The following ANKRD24 variants were observed in gnomAD, a reference collection of about 807,000 sequenced individuals.
ANKRD24 encodes ankyrin repeat domain 24.
A neutral mutation model predicts 127.8 loss-of-function variants in ANKRD24; 109 were observed. The ratio of observed to expected loss-of-function variants is 0.85; its 90% CI spans 0.73 to 1.00. The LOEUF (loss-of-function observed/expected upper bound fraction) is 1.00, where lower values mean the gene tolerates loss of function less well. ANKRD24 is among the 50% of genes least tolerant of loss of function. The probability of loss-of-function intolerance (pLI) is 0.00; values close to 1 mark genes in which losing one functional copy is unlikely to be tolerated. For missense variants in ANKRD24, 1,648 were observed against 1,570.2 expected (o/e 1.05, Z -0.84); for synonymous variants, 743 against 671.1 (o/e 1.11, Z -1.66).
At chr19:4,210,534 C>G (rs193169979) in intron 13 of ANKRD24, among the ~76,000 whole-genome samples, 162 bp downstream of exon 13, 1 of 151,984 alleles carries the variant, frequency 6.6e-6, no homozygotes, top group Admixed American at 6.6e-5. Context: ...ACTCGCCAGG[C>G]GCAGTCCTGC....
chr19:4,183,447 T>C, intron 1 of ANKRD24: 1 of 686,016 alleles, frequency 1.5e-6, no homozygotes, highest in Non-Finnish European at 1.8e-6. Flanking sequence ...TATGCCCTGG[T>C]GGCTGCGGGT....
In ANKRD24 at chr19:4,189,243, C is replaced by CTTTTTTTTT. The variant is rs398033749; in HGVS notation, c.36+2796_36+2804dup. On this transcript the variant is annotated intron_variant, in intron 2 of 21. Transcript: ENST00000318934. ...TTATTTTTTTTAATTTTTCTTTCTT[C>CTTTTTTTTT]TTTTTTTTTTTTTTTTTTTTTTGAA... Among the ~76,000 whole-genome samples the CTTTTTTTTT allele has an allele frequency of 2.2e-3, 161 of 73,938 alleles. 7 individuals carry two copies. The highest frequency in any genetic ancestry group is 7.1e-3 in the East Asian group (15 of 2,118). The allele number at this position is 73,938 out of a possible 152,430, so 48.5% of individuals were successfully genotyped here.
intron 2 of ANKRD24, among the ~76,000 whole-genome samples, chr19:4,187,990 T>C (rs1461618222): frequency 6.6e-6 from 1 of 152,112 alleles, no homozygotes; most frequent in Non-Finnish European, 1.5e-5. Context: ...AGAGTGCGAG[T>C]GAGTGGGAGC....
At chr19:4,207,041 A>C (rs987675199) in intron 7 of ANKRD24, 5 of 590,994 alleles carry the variant, frequency 8.5e-6, no homozygotes, top group African/African-American at 1.9e-5. Flanking sequence ...ACTCCCTAGT[A>C]GCTGGGGCCA....
intron 18 of ANKRD24, among the ~76,000 whole-genome samples, chr19:4,218,423 C>A (rs528951749): frequency 6.6e-6 from 1 of 151,894 alleles, no homozygotes; most frequent in Non-Finnish European, 1.5e-5. Context: ...CCTCAGCCTC[C>A]GGAGTAGCTG....
chr19:4,203,945 C>T (rs113263816), intron 7 of ANKRD24, among the ~76,000 whole-genome samples: 46,026 of 143,190 alleles, frequency 0.32, 7,927 homozygotes, highest in Non-Finnish European at 0.41. Flanking sequence ...GCCACCGTGC[C>T]GGCCCTTCTC....
At chr19:4,193,865 A>AAGGAAGGAAGGG (rs1968542815) in intron 2 of ANKRD24, among the ~76,000 whole-genome samples, 1 of 95,350 alleles carries the variant, frequency 1.0e-5, no homozygotes, top group African/African-American at 4.5e-5. Flanking sequence ...GGAAGGAAGG[A>AAGGAAGGAAGGG]AGGAAGGAAG....
rs773087805 is a variant in ANKRD24, at chr19:4,202,100, TG to T, written c.408+11del. 4 of 1,613,330 alleles carry T rather than the reference TG, an allele frequency of 2.5e-6. No individual in the cohort carries two copies. Among genetic ancestry groups the T allele is most frequent in the Non-Finnish European group, 3.4e-6 (4 of 1,179,478 alleles). On this transcript the variant is annotated intron_variant, in intron 6 of 21. Transcript: ENST00000318934. ...GAAGCAACTACTGCAGGTCATTTAC[TG>T]TCTTATCTCAGCTACTCCCTTGGCC... is the stretch of plus-strand genomic sequence containing the variant.
Position 4,199,023 on chromosome 19 carries a change from A to G in ANKRD24, c.37-660A>G, listed in dbSNP as rs992210397. ...GGGGAGACATTTCGTAATGCATTTC[A>G]GGCTATAGTGTTGAGGGGAGAAGCC... On this transcript the variant is annotated intron_variant, in intron 2 of 21. Coordinates refer to ENST00000318934, the MANE Select transcript of ANKRD24 (RefSeq NM_001393985.1). This position sits in a 1 kb window ranked among gnomAD's most constrained non-coding sequence, Gnocchi z 5.2. 6.6e-6 allele frequency among the ~76,000 whole-genome samples: 1 copy of G among 152,126 alleles called. No individual in the cohort carries two copies.
At chr19:4,212,169 C>T (rs1473112896) in intron 13 of ANKRD24, among the ~76,000 whole-genome samples, 1 of 151,980 alleles carries the variant, frequency 6.6e-6, no homozygotes, top group African/African-American at 2.4e-5. Flanking sequence ...CACTGCACTC[C>T]AGCCTGGGGG....
chr19:4,217,721 G>T lies in ANKRD24; in HGVS notation c.2561G>T (p.Arg854Leu). 7.7e-7 allele frequency: 1 copy of T among 1,292,900 alleles called. No individual in the cohort carries two copies. Among genetic ancestry groups the T allele is most frequent in the Non-Finnish European group, 9.8e-7 (1 of 1,024,732 alleles). 80.1% of individuals were successfully genotyped at this position (1,292,900 alleles called of 1,614,324 possible). ...LEQSRELEVL[R>L]EQLATARATG... ...CAGAGCCGGGAGCTGGAGGTTCTGCGGGAGCAGCTGGCCACGGCCAGGGCC... is the reference window on the plus strand; with the variant it reads ...CAGAGCCGGGAGCTGGAGGTTCTGCTGGAGCAGCTGGCCACGGCCAGGGCC... The change falls in exon 18 of 22, where the codon CGG becomes CTG. Residue 854 changes from arginine to leucine, a missense_variant. By Grantham distance (102) the Arg-to-Leu change is moderately radical. Coordinates refer to ENST00000318934, the MANE Select transcript of ANKRD24 (RefSeq NM_001393985.1).
At chr19:4,193,117 A>G (rs1421287947) in intron 2 of ANKRD24, among the ~76,000 whole-genome samples, 3 of 151,010 alleles carry the variant, frequency 2.0e-5, no homozygotes, top group Admixed American at 6.6e-5. Context: ...CCTGGCCAAC[A>G]CAGCAAAACC....
In ANKRD24 at chr19:4,198,422, C is replaced by A. The variant is rs956677052; in HGVS notation, c.37-1261C>A. 1 of 500,592 alleles carries A rather than the reference C, an allele frequency of 2.0e-6. No homozygotes were observed. The highest frequency in any genetic ancestry group is 3.6e-6 in the Non-Finnish European group (1 of 281,346). 31.0% of individuals were successfully genotyped at this position (500,592 alleles called of 1,614,324 possible). ...CCGCCCTCCGGCCGCTCCCCGCGGT[C>A]CCTCCAGACCCTCTGGCCGCCGCCT... On this transcript the variant is annotated intron_variant, in intron 2 of 21. Coordinates refer to ENST00000318934, the MANE Select transcript of ANKRD24 (RefSeq NM_001393985.1). This position sits in a 1 kb window ranked among gnomAD's most constrained non-coding sequence, Gnocchi z 6.1.
Position 4,216,837 on chromosome 19 carries a change from C to A in ANKRD24, c.1677C>A (p.Ala559=). The A allele has an allele frequency of 6.2e-7, 1 of 1,610,056 alleles. No individual in the cohort carries two copies. The highest frequency in any genetic ancestry group is 8.5e-7 in the Non-Finnish European group (1 of 1,178,348). ...CTCCAGAAACCAAAGTTAACGGAGC[C>A]GAGACCATAGATGAGGAGGCTGCAG... is the stretch of plus-strand genomic sequence containing the variant. The part of the protein sequence containing the change: ...SVAPETKVNG[A]ETIDEEAAGD... The change falls in exon 18 of 22, where the codon GCC becomes GCA. Residue 559 remains alanine, a synonymous_variant. Coordinates refer to ENST00000318934, the MANE Select transcript of ANKRD24 (RefSeq NM_001393985.1).
In ANKRD24 at chr19:4,200,164, C is replaced by T. The variant is rs773694537; in HGVS notation, c.336C>T (p.Asp112=). Residue 112 remains aspartate, a synonymous_variant, in exon 5 of 22, where the codon GAC becomes GAT. Transcript: ENST00000318934. ...IAHGSNVMSA[D]GAGYNALHLA... Reference sequence around the variant, plus strand: ...ATGGCAGCAATGTCATGAGCGCGGACGGGGCAGGTACTGCCAGCTGGGCCC... The same window carrying T: ...ATGGCAGCAATGTCATGAGCGCGGATGGGGCAGGTACTGCCAGCTGGGCCC... 34 of 1,601,708 alleles carry T rather than the reference C, an allele frequency of 2.1e-5. No individual in the cohort carries two copies. The Admixed American group carries it at 2.2e-4, about 10-fold the overall frequency.
chr19:4,196,729 G>C (rs1438863611), intron 2 of ANKRD24, among the ~76,000 whole-genome samples: 1 of 152,172 alleles, frequency 6.6e-6, no homozygotes, highest in Non-Finnish European at 1.5e-5. Context: ...CTGTGCCCCA[G>C]AGTCTCCAGG....
In ANKRD24 at chr19:4,217,808, C is replaced by A; in HGVS notation, c.2648C>A (p.Ala883Asp). Residue 883 changes from alanine (A) to aspartate (D), a missense_variant, in exon 18 of 22, where the codon GCC (alanine) becomes GAC (aspartate). By Grantham distance (126) the Ala-to-Asp change is moderately radical. Coordinates refer to ENST00000318934, the MANE Select transcript of ANKRD24 (RefSeq NM_001393985.1). ...ELGRARDAAE[A>D]RVAELPAACE... ...GGCCGGGCACGGGACGCCGCTGAGGCCCGAGTGGCTGAGCTGCCTGCGGCC... is the reference window on the plus strand; with the variant it reads ...GGCCGGGCACGGGACGCCGCTGAGGACCGAGTGGCTGAGCTGCCTGCGGCC... 2 of 1,381,976 alleles carry A rather than the reference C, an allele frequency of 1.4e-6. No homozygotes were observed. Among genetic ancestry groups the A allele is most frequent in the Non-Finnish European group, 1.9e-6 (2 of 1,072,920 alleles). The allele number at this position is 1,381,976 out of a possible 1,614,324, so 85.6% of individuals were successfully genotyped here. A position where few individuals can be genotyped will look rare whatever the true frequency, so the allele number is the denominator to read the frequency against.
rs1038414144 is a variant in ANKRD24, at chr19:4,198,664, G to A, written c.37-1019G>A. On this transcript the variant is annotated intron_variant, in intron 2 of 21. Transcript: ENST00000318934. The surrounding 1 kb of genome is among the most constrained non-coding windows in gnomAD (Gnocchi z 6.1). Reference sequence around the variant, plus strand: ...GGAAAGATGGTCGGCGGCGGGGGGTGGGGGGGAACAGAGGTTGGGGCAGCT... The same window carrying A: ...GGAAAGATGGTCGGCGGCGGGGGGTAGGGGGGAACAGAGGTTGGGGCAGCT... 8 of 389,732 alleles carry A rather than the reference G, an allele frequency of 2.1e-5. No homozygotes were observed. Among genetic ancestry groups the A allele is most frequent in the Non-Finnish European group, 3.5e-5 (8 of 225,378 alleles). 24.1% of individuals were successfully genotyped at this position (389,732 alleles called of 1,614,324 possible). A position where few individuals can be genotyped will look rare whatever the true frequency, so the allele number is the denominator to read the frequency against.
Position 4,222,792 on chromosome 19 carries a change from G to A in ANKRD24, c.3294G>A (p.Leu1098=), listed in dbSNP as rs368547551. ...AGGTGAAGGATTTACAGCAGCAGCT[G>A]CAGGTAAGGACTGGGCCACGCAGGG... The part of the protein sequence containing the change: ...RDQVKDLQQQ[L]QEAARDHSSV... The change falls in exon 20 of 22, where the codon CTG becomes CTA. Residue 1098 remains leucine (L), a synonymous_variant. Coordinates refer to ENST00000318934, the MANE Select transcript of ANKRD24 (RefSeq NM_001393985.1). 31 of 1,606,988 alleles carry A rather than the reference G, an allele frequency of 1.9e-5. No individual in the cohort carries two copies. The highest frequency in any genetic ancestry group is 2.5e-5 in the Non-Finnish European group (29 of 1,175,108).
Sources: gnomAD v4.1 joint callset for allele counts (sites outside exome capture counted in the v4.1 genomes callset) on GRCh38, gnomAD v4.1.1 for gene constraint, Gnocchi (gnomAD v3.1) non-coding constraint, MANE v1.5 for transcripts, NCBI Gene and HGNC (gene_info 2026-07-23, HGNC 2026-07-21) for gene names.